Variants in GADL1 observed in about 807,000 individuals in gnomAD.
GADL1 encodes the protein GAD like acidic amino acid decarboxylase 1.
A neutral mutation model predicts 69.5 loss-of-function variants in GADL1; 71 were observed. The ratio of observed to expected loss-of-function variants is 1.02; its 90% CI spans 0.84 to 1.25. The LOEUF (loss-of-function observed/expected upper bound fraction) is 1.25, where lower values mean the gene tolerates loss of function less well. Among genes scored for constraint, GADL1 ranks in the 50% most tolerant of loss-of-function variants. The pLI is 0.00. For missense variants in GADL1, 737 were observed against 631.8 expected (o/e 1.17, Z -1.79); for synonymous variants, 254 against 214.4 (o/e 1.18, Z -1.62).
chr3:30,787,275 G>A (rs1005329383), intron 12 of GADL1, among the ~76,000 whole-genome samples: 20 of 152,188 alleles, frequency 1.3e-4, no homozygotes, highest in African/African-American at 4.8e-4. Context: ...CATTTTGAAT[G>A]TTGGGGGAAA....
intron 1 of GADL1, among the ~76,000 whole-genome samples, chr3:30,876,052 C>T (rs1248862863): frequency 6.6e-6 from 1 of 151,962 alleles, no homozygotes; most frequent in Non-Finnish European, 1.5e-5. Context: ...ATGTTTTCTT[C>T]AGTTCCTGCT....
intron 14 of GADL1, among the ~76,000 whole-genome samples, chr3:30,765,913 C>T (rs1008903922): frequency 6.6e-6 from 1 of 151,608 alleles, no homozygotes. Flanking sequence ...AACTCCCCTC[C>T]CAAATATTGC....
At chr3:30,811,937 C>A (rs947118070) in intron 11 of GADL1, among the ~76,000 whole-genome samples, 1 of 152,110 alleles carries the variant, frequency 6.6e-6, no homozygotes, top group African/African-American at 2.4e-5. Context: ...GATTGGAAAC[C>A]ACTGTTCTGA....
chr3:30,808,401 G>A (rs1697293801), intron 11 of GADL1, among the ~76,000 whole-genome samples: 1 of 151,984 alleles, frequency 6.6e-6, no homozygotes, highest in East Asian at 1.9e-4. Context: ...GGGAGGCTGA[G>A]GCAGGAGAAT....
chr3:30,781,906 G>A (rs1696674430), intron 13 of GADL1, among the ~76,000 whole-genome samples: 1 of 152,184 alleles, frequency 6.6e-6, no homozygotes. Flanking sequence ...CACTAGTGAG[G>A]TACATCACTA....
At chr3:30,805,734 CTTTTTTTTTTTTT>C (rs34788058) in intron 11 of GADL1, among the ~76,000 whole-genome samples, 3 of 66,096 alleles carry the variant, frequency 4.5e-5, no homozygotes, top group Non-Finnish European at 7.3e-5. Context: ...AGTCCCCAGC[CTTTTTTTTTTTTT>C]TTTTTTTTTT....
intron 14 of GADL1, among the ~76,000 whole-genome samples, chr3:30,751,579 T>C (rs1695818989): frequency 6.6e-6 from 1 of 151,904 alleles, no homozygotes; most frequent in Non-Finnish European, 1.5e-5. Context: ...AAAGGCTTTC[T>C]AGAACTTGAG....
chr3:30,752,156 G>C (rs569048731), intron 14 of GADL1, among the ~76,000 whole-genome samples: 1 of 151,318 alleles, frequency 6.6e-6, no homozygotes, highest in South Asian at 2.1e-4. Flanking sequence ...AGCTTGAGCA[G>C]AAGATGCGGC....
chr3:30,887,366 T>G (rs1460547526), intron 1 of GADL1, among the ~76,000 whole-genome samples: 1 of 152,086 alleles, frequency 6.6e-6, no homozygotes, highest in Non-Finnish European at 1.5e-5. Context: ...TGAGAAAGCA[T>G]TTATAGATTA....
At chr3:30,817,027 T>C (rs1198389026) in intron 11 of GADL1, among the ~76,000 whole-genome samples, 1 of 152,128 alleles carries the variant, frequency 6.6e-6, no homozygotes, top group Non-Finnish European at 1.5e-5. Context: ...ACAGTGCCCA[T>C]ACCCCAGTGA....
At chr3:30,888,949 A>G (rs1698746836) in intron 1 of GADL1, among the ~76,000 whole-genome samples, 1 of 151,996 alleles carries the variant, frequency 6.6e-6, no homozygotes, top group Admixed American at 6.6e-5. Flanking sequence ...AATTTTTGCA[A>G]TATATATAAA....
intron 9 of GADL1, among the ~76,000 whole-genome samples, chr3:30,834,676 TA>T (rs1263215970): frequency 2.6e-5 from 4 of 152,216 alleles, no homozygotes; most frequent in African/African-American, 9.6e-5. Flanking sequence ...GTATTTTATA[TA>T]ATGAATGAGG....
chr3:30,875,316 C>T (rs1698562887), intron 1 of GADL1, among the ~76,000 whole-genome samples: 1 of 151,784 alleles, frequency 6.6e-6, no homozygotes, highest in African/African-American at 2.4e-5. Flanking sequence ...ACCAATTTTG[C>T]AATCTATCAT....
At chr3:30,741,317 T>C (rs994084419) in intron 14 of GADL1, among the ~76,000 whole-genome samples, 8 of 151,382 alleles carry the variant, frequency 5.3e-5, no homozygotes, top group Middle Eastern at 3.4e-3. Context: ...ACTTAAACTT[T>C]TAATCCATTT....
chr3:30,748,616 C>T (rs1695748974), intron 14 of GADL1, among the ~76,000 whole-genome samples: 2 of 152,148 alleles, frequency 1.3e-5, no homozygotes, highest in South Asian at 4.1e-4. Context: ...GAGGCTTTAG[C>T]TATCAAAAAA....
At chr3:30,733,053 A>G (rs185262136) in intron 14 of GADL1, among the ~76,000 whole-genome samples, 1 of 152,338 alleles carries the variant, frequency 6.6e-6, no homozygotes, top group East Asian at 1.9e-4. Flanking sequence ...AAAAAGTAAT[A>G]AAATACAAAG....
chr3:30,746,538 T>G (rs1695705513), intron 14 of GADL1, among the ~76,000 whole-genome samples: 1 of 152,132 alleles, frequency 6.6e-6, no homozygotes, highest in African/African-American at 2.4e-5. Flanking sequence ...AGGGCTGTGA[T>G]AAGGGTAATA....
At chr3:30,843,138 G>A (rs559267269) in intron 8 of GADL1, among the ~76,000 whole-genome samples, 6 of 152,104 alleles carry the variant, frequency 3.9e-5, no homozygotes, top group Non-Finnish European at 8.8e-5. Context: ...CTATTGGAAG[G>A]TTATTGGAGA....
chr3:30,861,391 C>G (rs1048875431), intron 2 of GADL1, among the ~76,000 whole-genome samples: 16 of 151,752 alleles, frequency 1.1e-4, no homozygotes, highest in Middle Eastern at 3.4e-3. Flanking sequence ...TGATGACTGG[C>G]AGAGTAAGGA....
Sources: allele counts gnomAD v4.1 joint callset (sites outside exome capture counted in the v4.1 genomes callset), GRCh38; gene constraint gnomAD v4.1.1; transcripts MANE v1.5; gene names NCBI Gene and HGNC (gene_info 2026-07-23, HGNC 2026-07-21).